The following SIAH3 variants were observed in gnomAD, a reference collection of about 807,000 sequenced individuals.
SIAH3 encodes seven in absentia homolog 3.
A neutral mutation model predicts 12.6 loss-of-function variants in SIAH3; 9 were observed. The ratio of observed to expected loss-of-function variants is 0.72; its 90% CI spans 0.43 to 1.25. The LOEUF (loss-of-function observed/expected upper bound fraction) is 1.25. Ranked by LOEUF, SIAH3 falls within the 50% of genes most tolerant of loss-of-function variation. The pLI, the probability that SIAH3 is intolerant of heterozygous loss-of-function variation, is 0.00. For missense variants in SIAH3, 390 were observed against 365.4 expected (o/e 1.07, Z -0.55); for synonymous variants, 154 against 151.1 (o/e 1.02, Z -0.14).
chr13:45,826,285 A>G (rs937479945), intron 1 of SIAH3, among the ~76,000 whole-genome samples: 9 of 152,152 alleles, frequency 5.9e-5, no homozygotes, highest in African/African-American at 2.2e-4. Flanking sequence ...AAAGCTTAGG[A>G]TGATGCTTGG....
intron 1 of SIAH3, among the ~76,000 whole-genome samples, chr13:45,808,632 GTTA>G (rs1313317721): frequency 5.3e-5 from 8 of 152,096 alleles, no homozygotes; most frequent in African/African-American, 1.7e-4. Flanking sequence ...TGTATATTTT[GTTA>G]TTATTTGTAA....
intron 1 of SIAH3, among the ~76,000 whole-genome samples, chr13:45,786,901 G>A (rs2137548895): frequency 6.6e-6 from 1 of 152,282 alleles, no homozygotes; most frequent in South Asian, 2.1e-4. Flanking sequence ...TGACCTCTGG[G>A]CTTTCCCCTA....
In SIAH3 at chr13:45,778,436, G is replaced by C. The variant is rs1303597649; in HGVS notation, c.*4947C>G. The C allele has an allele frequency of 6.6e-6, 1 of 152,186 alleles. No individual in the cohort carries two copies. The highest frequency in any genetic ancestry group is 2.4e-5 in the African/African-American group (1 of 41,432). The allele number at this position is 152,186 out of a possible 1,614,324, so 9.4% of individuals were successfully genotyped here. A position where few individuals can be genotyped will look rare whatever the true frequency, so the allele number is the denominator to read the frequency against. On this transcript the variant is annotated 3_prime_UTR_variant, in exon 2 of 2. Coordinates refer to ENST00000400405, the MANE Select transcript of SIAH3 (RefSeq NM_198849.3). ...GAACTTTCCACACTAACAGCAATAG[G>C]GAAGTGTCCGGGGAGAAAGCAGAGG... is the stretch of plus-strand genomic sequence containing the variant.
At chr13:45,813,203 G>A (rs1490609279) in intron 1 of SIAH3, among the ~76,000 whole-genome samples, 6 of 150,704 alleles carry the variant, frequency 4.0e-5, no homozygotes, top group Admixed American at 2.6e-4. Flanking sequence ...TGTCAGTACT[G>A]AGTCCCGGAC....
rs1950495265 is a variant in SIAH3, at chr13:45,779,287, A to G, written c.*4096T>C. 6.6e-6 allele frequency: 1 copy of G among 152,228 alleles called. No individual in the cohort carries two copies. Among genetic ancestry groups the G allele is most frequent in the Admixed American group, 6.5e-5 (1 of 15,284 alleles). 9.4% of individuals were successfully genotyped at this position (152,228 alleles called of 1,614,324 possible). On this transcript the variant is annotated 3_prime_UTR_variant, in exon 2 of 2. Coordinates refer to ENST00000400405, the MANE Select transcript of SIAH3 (RefSeq NM_198849.3). ...ATATAATTTATTTAATTGTAAATGT[A>G]TATCATTTTTAATACTGACTGTACT...
chr13:45,828,965 A>C (rs944039589), intron 1 of SIAH3, among the ~76,000 whole-genome samples: 1 of 152,102 alleles, frequency 6.6e-6, no homozygotes, highest in African/African-American at 2.4e-5. Flanking sequence ...GAAAAACTGC[A>C]TTTAAAAAAA....
At chr13:45,801,510 T>C (rs367679413) in intron 1 of SIAH3, among the ~76,000 whole-genome samples, 3 of 152,270 alleles carry the variant, frequency 2.0e-5, no homozygotes, top group South Asian at 2.1e-4. Context: ...CAACACTTGA[T>C]TGGTTCCATG....
chr13:45,806,121 A>G (rs560091767), intron 1 of SIAH3, among the ~76,000 whole-genome samples: 52 of 152,314 alleles, frequency 3.4e-4, no homozygotes, highest in African/African-American at 1.1e-3. Flanking sequence ...GTTGGTGGAA[A>G]TGTAAATTAG....
At chr13:45,806,235 G>T (rs112279417) in intron 1 of SIAH3, among the ~76,000 whole-genome samples, 121 of 152,134 alleles carry the variant, frequency 8.0e-4, no homozygotes, top group African/African-American at 2.8e-3. Context: ...CAAAGGAAAA[G>T]ACATTGTTCT....
At chr13:45,839,188 G>A (rs1036351879) in intron 1 of SIAH3, among the ~76,000 whole-genome samples, 5 of 151,596 alleles carry the variant, frequency 3.3e-5, no homozygotes, top group African/African-American at 4.8e-5. Context: ...CTTAAAGGCC[G>A]TTTTTGCTTT....
At chr13:45,822,573 C>A (rs1950659915) in intron 1 of SIAH3, among the ~76,000 whole-genome samples, 3 of 119,492 alleles carry the variant, frequency 2.5e-5, no homozygotes, top group Admixed American at 1.0e-4. Context: ...AGGGAACAGG[C>A]AAAAATGGTA....
chr13:45,802,031 G>A (rs190808954), intron 1 of SIAH3, among the ~76,000 whole-genome samples: 15 of 152,334 alleles, frequency 9.8e-5, no homozygotes, highest in Admixed American at 3.3e-4. Context: ...GGGGCCGGGC[G>A]TGGTGGCTCA....
intron 1 of SIAH3, among the ~76,000 whole-genome samples, chr13:45,829,567 C>A (rs772296129): frequency 6.6e-6 from 1 of 152,176 alleles, no homozygotes; most frequent in Non-Finnish European, 1.5e-5. Flanking sequence ...CATGATCACG[C>A]CCCTGCACTC....
At chr13:45,849,690 G>A (rs1437222244) in intron 1 of SIAH3, among the ~76,000 whole-genome samples, 1 of 152,136 alleles carries the variant, frequency 6.6e-6, no homozygotes, top group East Asian at 1.9e-4. Context: ...AATCCAGGCA[G>A]ACATCATTGA....
intron 1 of SIAH3, among the ~76,000 whole-genome samples, chr13:45,844,149 A>G (rs774413802): frequency 1.3e-5 from 2 of 152,216 alleles, no homozygotes; most frequent in Non-Finnish European, 2.9e-5. Context: ...TATGGGTGCT[A>G]AGTTGTGGAT....
At chr13:45,794,099 T>C (rs1950554962) in intron 1 of SIAH3, among the ~76,000 whole-genome samples, 1 of 147,480 alleles carries the variant, frequency 6.8e-6, no homozygotes. Flanking sequence ...CCTGACACTT[T>C]TTTTTTTTTT....
In SIAH3 at chr13:45,783,245, C is replaced by CA. The variant is rs1306325899; in HGVS notation, c.*137dup. 7.9e-6 allele frequency: 4 copies of CA among 508,808 alleles called. No homozygotes were observed. Among genetic ancestry groups the CA allele is most frequent in the African/African-American group, 2.4e-5 (1 of 40,916 alleles). 31.5% of individuals were successfully genotyped at this position (508,808 alleles called of 1,614,324 possible). A position where few individuals can be genotyped will look rare whatever the true frequency, so the allele number is the denominator to read the frequency against. On this transcript the variant is annotated 3_prime_UTR_variant, in exon 2 of 2. Transcript: ENST00000400405. ...ACTAAATCTCACAAAGTACCTGAGA[C>CA]AAAAAAATAATAATAATTAAAAATT... is the stretch of plus-strand genomic sequence containing the variant.
At chr13:45,786,300 T>C (rs1244289193) in intron 1 of SIAH3, among the ~76,000 whole-genome samples, 1 of 152,200 alleles carries the variant, frequency 6.6e-6, no homozygotes, top group African/African-American at 2.4e-5. Context: ...ATGGTGTCCC[T>C]CTTCCAGTCT....
intron 1 of SIAH3, among the ~76,000 whole-genome samples, chr13:45,838,231 C>G (rs1166526361): frequency 2.6e-5 from 4 of 152,162 alleles, no homozygotes; most frequent in Non-Finnish European, 4.4e-5. Flanking sequence ...AAAGCTTAGC[C>G]TCTTGATTCT....
Sources: gnomAD v4.1 joint callset for allele counts (sites outside exome capture counted in the v4.1 genomes callset) on GRCh38, gnomAD v4.1.1 for gene constraint, MANE v1.5 for transcripts, NCBI Gene and HGNC (gene_info 2026-07-23, HGNC 2026-07-21) for gene names.